DDR1: variants seen among roughly 807,000 people sequenced by gnomAD.
The protein encoded by DDR1 is discoidin domain receptor tyrosine kinase 1.
DDR1 carries 64 observed loss-of-function variants against 97.4 expected under a neutral mutation model. The observed-to-expected ratio is 0.66, with a 90% CI of 0.54 to 0.81. The LOEUF is 0.81. Ranked by LOEUF, DDR1 falls within the 30% of genes least tolerant of loss-of-function variation. The probability of loss-of-function intolerance (pLI) is 0.00; values close to 1 mark genes in which losing one functional copy is unlikely to be tolerated. For synonymous variants in DDR1, 458 were observed against 503.7 expected (o/e 0.91, Z 1.21); for missense variants, 990 against 1,259.6 (o/e 0.79, Z 3.24).
At chr6:30,883,057 G>A (rs1784552349), upstream of DDR1, 1 of 152,420 alleles carries the variant, frequency 6.6e-6, no homozygotes, top group East Asian at 1.9e-4. This position sits in a 1 kb window ranked among gnomAD's most constrained non-coding sequence, Gnocchi z 4.9. Flanking sequence ...CTCTTCGAGT[G>A]ACCCTGGGGC....
At position 30,886,992 on chromosome 6, in the gene DDR1, G is replaced by A. The variant is rs1227741429; in HGVS notation, c.-42-1696G>A. 6.6e-6 allele frequency: 1 copy of A among 152,288 alleles called. No homozygotes were observed. Among genetic ancestry groups the A allele is most frequent in the African/African-American group, 2.4e-5 (1 of 41,456 alleles). The allele number at this position is 152,288 out of a possible 1,614,324, so 9.4% of individuals were successfully genotyped here. A position where few individuals can be genotyped will look rare whatever the true frequency, so the allele number is the denominator to read the frequency against. ...AATGGGCACAGGTCACCTGGGAATT[G>A]TGTTAAAAGGCAGATTTTGATTGAG... On this transcript the variant is annotated intron_variant, in intron 1 of 17. Coordinates refer to ENST00000376568, the MANE Select transcript of DDR1 (RefSeq NM_001297654.2). This position sits in a 1 kb window ranked among gnomAD's most constrained non-coding sequence, Gnocchi z 4.6.
chr6:30,893,461 G>A (rs780212379), intron 10 of DDR1, 38 bp downstream of exon 10: 53 of 1,576,940 alleles, frequency 3.4e-5, no homozygotes, highest in Non-Finnish European at 4.1e-5. Context: ...GCGGGGGGAG[G>A]CCAGGCCCCA....
chr6:30,897,745 C>G lies in DDR1; in HGVS notation c.2216+148C>G. 1.5e-6 allele frequency: 1 copy of G among 687,444 alleles called. No individual in the cohort carries two copies. The highest frequency in any genetic ancestry group is 2.4e-6 in the Non-Finnish European group (1 of 413,334). 42.6% of individuals were successfully genotyped at this position (687,444 alleles called of 1,614,324 possible). A position where few individuals can be genotyped will look rare whatever the true frequency, so the allele number is the denominator to read the frequency against. On this transcript the variant is annotated intron_variant, in intron 15 of 17. Transcript: ENST00000376568. This position sits in a 1 kb window ranked among gnomAD's most constrained non-coding sequence, Gnocchi z 5.2. Reference sequence around the variant, plus strand: ...AGGGCCTGGGATAAGGAATGTGTGACAAGTTAACCCAGGAACATGGACAGA... The same window carrying G: ...AGGGCCTGGGATAAGGAATGTGTGAGAAGTTAACCCAGGAACATGGACAGA...
chr6:30,899,070 G>GAA, intron 17 of DDR1, 33 bp downstream of exon 17: 1 of 1,614,146 alleles, frequency 6.2e-7, no homozygotes, highest in Non-Finnish European at 8.5e-7. Flanking sequence ...ATGGGTCCGA[G>GAA]GCGGGGGACA....
At chr6:30,885,803 G>A (rs1347283790) in intron 1 of DDR1, 7 of 1,290,064 alleles carry the variant, frequency 5.4e-6, no homozygotes, top group Non-Finnish European at 7.1e-6. Flanking sequence ...GCTGTTTACA[G>A]CCAGTTCAGT....
Position 30,890,852 on chromosome 6 carries a change from G to C in DDR1, c.418-121G>C. 9.4e-7 allele frequency: 1 copy of C among 1,068,408 alleles called. No homozygotes were observed. Among genetic ancestry groups the C allele is most frequent in the Non-Finnish European group, 1.3e-6 (1 of 760,958 alleles). 66.2% of individuals were successfully genotyped at this position (1,068,408 alleles called of 1,614,324 possible). A position where few individuals can be genotyped will look rare whatever the true frequency, so the allele number is the denominator to read the frequency against. ...TGCGCCCCACAGTGCTGTGTGCTCG[G>C]TGCCACCCCTCATGGGTCTCTAAGT... On this transcript the variant is annotated intron_variant, in intron 4 of 17. Transcript: ENST00000376568. The surrounding 1 kb of genome is among the most constrained non-coding windows in gnomAD (Gnocchi z 5.0).
chr6:30,886,224 G>C lies in DDR1; in HGVS notation c.-43+1514G>C, dbSNP rs948780760. On this transcript the variant is annotated intron_variant, in intron 1 of 17. Coordinates refer to ENST00000376568, the MANE Select transcript of DDR1 (RefSeq NM_001297654.2). The surrounding 1 kb of genome is among the most constrained non-coding windows in gnomAD (Gnocchi z 4.6). ...CTGCCTGCCTTTGTATCTCTGCCCC[G>C]GGCTCCTCTCGGCTCTGTGTGGCTC... 6.6e-6 allele frequency among the ~76,000 whole-genome samples: 1 copy of C among 151,996 alleles called. No homozygotes were observed. Among genetic ancestry groups the C allele is most frequent in the Non-Finnish European group, 1.5e-5 (1 of 67,990 alleles).
At chr6:30,898,043 C>T in intron 15 of DDR1, 30 bp from the exon 16 acceptor site, 4 of 1,562,996 alleles carry the variant, frequency 2.6e-6, no homozygotes, top group Non-Finnish European at 3.5e-6. Context: ...GAAGCTGCCC[C>T]CAGTGACCTT....
Position 30,896,997 on chromosome 6 carries a change from C to T in DDR1, c.1870-17C>T, listed in dbSNP as rs776111414. The T allele has an allele frequency of 2.1e-5, 33 of 1,605,756 alleles. No individual in the cohort carries two copies. The highest frequency in any genetic ancestry group is 5.5e-5 in the South Asian group (5 of 90,522). On this transcript the variant is annotated splice_polypyrimidine_tract_variant and intron_variant, in intron 13 of 17. Transcript: ENST00000376568. The stretch of plus-strand genomic sequence containing the variant: ...TTTGACCCTGTGACCGCCTAGCAAA[C>T]GAACTTCTTTCTCCAGGTGCACCTG...
Position 30,888,453 on chromosome 6 carries a change from A to G in DDR1, c.-42-235A>G, listed in dbSNP as rs369024772. 3.1e-4 allele frequency: 168 copies of G among 545,582 alleles called. No homozygotes were observed. The South Asian group carries it at 4.0e-3, about 13-fold the overall frequency. The allele number at this position is 545,582 out of a possible 1,614,324, so 33.8% of individuals were successfully genotyped here. On this transcript the variant is annotated intron_variant, in intron 1 of 17. Transcript: ENST00000376568. This position sits in a 1 kb window ranked among gnomAD's most constrained non-coding sequence, Gnocchi z 4.2. Reference sequence around the variant, plus strand: ...CTTCATGTGTTAAATATGGATAGTAATAGTATCTACCTTATGAAGTGACTG... The same window carrying G: ...CTTCATGTGTTAAATATGGATAGTAGTAGTATCTACCTTATGAAGTGACTG...
Position 30,899,654 on chromosome 6 carries a change from T to A in DDR1, c.*358T>A. On this transcript the variant is annotated 3_prime_UTR_variant, in exon 18 of 18. Coordinates refer to ENST00000376568, the MANE Select transcript of DDR1 (RefSeq NM_001297654.2). ...GCCCATTGGAGCACCTGGGCCCCAC[T>A]GGACAACACTGATTCCTGGAGAGGT... 1 of 386,692 alleles carries A rather than the reference T, an allele frequency of 2.6e-6. No individual in the cohort carries two copies. Among genetic ancestry groups the A allele is most frequent in the Non-Finnish European group, 4.7e-6 (1 of 212,802 alleles). 24.0% of individuals were successfully genotyped at this position (386,692 alleles called of 1,614,324 possible).
chr6:30,885,840 G>GTT (rs1451248960), intron 1 of DDR1: 1 of 1,288,384 alleles, frequency 7.8e-7, no homozygotes, highest in African/African-American at 1.5e-5. Context: ...CCGTGTGTGT[G>GTT]TGTACAGAGC....
Position 30,896,702 on chromosome 6 carries a change from A to T in DDR1, c.1706A>T (p.Tyr569Phe). The T allele has an allele frequency of 6.2e-7, 1 of 1,608,622 alleles. No homozygotes were observed. Among genetic ancestry groups the T allele is most frequent in the Non-Finnish European group, 8.5e-7 (1 of 1,177,660 alleles). ...PPPPQNSVPH[Y>F]AEADIVTLQG... ...CCTCCCCAGAACAGCGTCCCCCATT[A>T]TGCCGAGGCTGACATTGTTACCCTG... Residue 569 changes from tyrosine (Y) to phenylalanine (F), a missense_variant, in exon 13 of 18, where the codon TAT becomes TTT. Tyr to Phe is a conservative substitution (Grantham distance 22). Transcript: ENST00000376568.
chr6:30,885,718 T>G, intron 1 of DDR1: 1 of 1,300,116 alleles, frequency 7.7e-7, no homozygotes, highest in Non-Finnish European at 1.0e-6. Context: ...CTTCTGTGTT[T>G]GCTCTGTCTC....
At chr6:30,899,105 A>C (rs775762705) in intron 17 of DDR1, 51 bp from the exon 18 acceptor site, 125 of 1,614,016 alleles carry the variant, frequency 7.7e-5, no homozygotes, top group Non-Finnish European at 1.0e-4. Flanking sequence ...GTCATCTTGG[A>C]GACTAAAGAA....
chr6:30,893,139 C>T lies in DDR1; in HGVS notation c.1171C>T (p.Pro391Ser). Residue 391 changes from proline to serine, a missense_variant, in exon 9 of 18, where the codon CCT becomes TCT. Physicochemically the swap from Pro to Ser is moderately conservative, Grantham distance 74. Transcript: ENST00000376568. The stretch of plus-strand genomic sequence containing the variant: ...AGCCCCCTGGTGGCCGCCTGGCCCA[C>T]CTCCCACCAACTTCAGCAGCTTGGG... ...PPAPWWPPGPPPTNFSSLELE... is the reference protein window; with the variant it reads ...PPAPWWPPGPSPTNFSSLELE... 6.2e-7 allele frequency: 1 copy of T among 1,610,136 alleles called. No individual in the cohort carries two copies. The highest frequency in any genetic ancestry group is 8.5e-7 in the Non-Finnish European group (1 of 1,179,804).
At position 30,892,052 on chromosome 6, in the gene DDR1, A is replaced by G. The variant is rs1441052622; in HGVS notation, c.716A>G (p.Asp239Gly). 6.2e-7 allele frequency: 1 copy of G among 1,613,918 alleles called. No individual in the cohort carries two copies. Among genetic ancestry groups the G allele is most frequent in the East Asian group, 2.2e-5 (1 of 44,878 alleles). The change falls in exon 7 of 18, where the codon GAT becomes GGT. Residue 239 changes from aspartate to glycine, a missense_variant. By Grantham distance (94) the Asp-to-Gly change is moderately conservative. Coordinates refer to ENST00000376568, the MANE Select transcript of DDR1 (RefSeq NM_001297654.2). ...GQLADGVVGL[D>G]DFRKSQELRV... ...CTGGCAGATGGTGTGGTGGGGCTGG[A>G]TGACTTTAGGAAGAGTCAGGAGCTG...
rs1454638620 is a variant in DDR1 at position 30,889,044 on chromosome 6, C to A, written c.188+34C>A. 1 of 1,607,992 alleles carries A rather than the reference C, an allele frequency of 6.2e-7. No homozygotes were observed. Among genetic ancestry groups the A allele is most frequent in the Admixed American group, 1.7e-5 (1 of 59,996 alleles). ...CACACCTGGCACACTTGTAGCTGCC[C>A]CGAGAGGAGCTCCTGGGACCTCTAC... On this transcript the variant is annotated intron_variant, in intron 3 of 17. Transcript: ENST00000376568. The surrounding 1 kb of genome is among the most constrained non-coding windows in gnomAD (Gnocchi z 4.9).
rs1562396918 is a variant in DDR1, at chr6:30,894,549, C to G, written c.1391C>G (p.Ser464Cys). ...GAAGAGGAGCTGACGGTTCACCTCTCTGTCCCTGGGGACACTATCCTCATC... is the reference window on the plus strand; with the variant it reads ...GAAGAGGAGCTGACGGTTCACCTCTGTGTCCCTGGGGACACTATCCTCATC... ...VLEEELTVHL[S>C]VPGDTILINN... Residue 464 changes from serine to cysteine, a missense_variant, in exon 11 of 18, where the codon TCT becomes TGT. Ser to Cys is a moderately radical substitution (Grantham distance 112). Transcript: ENST00000376568. This position sits in a 1 kb window ranked among gnomAD's most constrained non-coding sequence, Gnocchi z 5.7. 2 of 1,612,962 alleles carry G rather than the reference C, an allele frequency of 1.2e-6. No homozygotes were observed. The highest frequency in any genetic ancestry group is 1.7e-6 in the Non-Finnish European group (2 of 1,179,476).
Sources: allele counts gnomAD v4.1 joint callset (sites outside exome capture counted in the v4.1 genomes callset), GRCh38; gene constraint gnomAD v4.1.1; non-coding constraint Gnocchi (gnomAD v3.1); transcripts MANE v1.5; gene names NCBI Gene and HGNC (gene_info 2026-07-23, HGNC 2026-07-21).